Variants in CHFR observed in about 807,000 individuals in gnomAD.
The protein encoded by CHFR is checkpoint with forkhead and ring finger domains.
In CHFR, 57 loss-of-function variants were observed where a neutral mutation model predicts 87.6. That is an observed-to-expected ratio of 0.65 (90% CI 0.53 to 0.81). The LOEUF is 0.81. CHFR is among the 30% of genes least tolerant of loss of function. CHFR has a pLI of 0.00. For synonymous variants in CHFR, 381 were observed against 359.2 expected (o/e 1.06, Z -0.69); for missense variants, 797 against 865.8 (o/e 0.92, Z 1.00).
rs1950685332 is a variant in CHFR at position 132,840,255 on chromosome 12, A to G, written c.*1299T>C. ...GACAGCAGGTGACAGAGTGACCATC[A>G]CTAGCAGTGAGGCACTCGGAGCTCA... On this transcript the variant is annotated 3_prime_UTR_variant, in exon 18 of 18. Coordinates refer to ENST00000450056, the MANE Select transcript of CHFR (RefSeq NM_001161346.2). The G allele has an allele frequency of 6.6e-6, 1 of 152,386 alleles. No individual in the cohort carries two copies. The allele number at this position is 152,386 out of a possible 1,614,324, so 9.4% of individuals were successfully genotyped here.
intron 10 of CHFR, among the ~76,000 whole-genome samples, chr12:132,856,253 C>G (rs113473501): frequency 2.0e-5 from 3 of 152,182 alleles, no homozygotes; most frequent in African/African-American, 4.8e-5. Context: ...CTGGCTACCC[C>G]GCTAAGTGTT....
At chr12:132,879,377 C>T (rs1459292921) in intron 2 of CHFR, among the ~76,000 whole-genome samples, 1 of 148,910 alleles carries the variant, frequency 6.7e-6, no homozygotes, top group Non-Finnish European at 1.5e-5. Context: ...AATTCTGACA[C>T]TTTGGGATTT....
At chr12:132,876,751 C>A (rs987214115) in intron 3 of CHFR, among the ~76,000 whole-genome samples, 1 of 152,126 alleles carries the variant, frequency 6.6e-6, no homozygotes, top group Non-Finnish European at 1.5e-5. Flanking sequence ...TCTTCTAATA[C>A]CTTGGGAGCC....
chr12:132,871,111 C>A (rs993547909), intron 4 of CHFR, among the ~76,000 whole-genome samples: 1 of 152,208 alleles, frequency 6.6e-6, no homozygotes, highest in Non-Finnish European at 1.5e-5. Context: ...GCTGAAGATG[C>A]CTAAGACATA....
At chr12:132,887,473 G>A (rs942653588) in intron 1 of CHFR, 74 bp downstream of exon 1, 14 of 558,218 alleles carry the variant, frequency 2.5e-5, no homozygotes, top group Non-Finnish European at 3.0e-5. Flanking sequence ...GGACGCCGGC[G>A]GGCGCCCCCT....
chr12:132,866,548 C>G (rs1467720044), intron 6 of CHFR: 1 of 151,334 alleles, frequency 6.6e-6, no homozygotes, highest in African/African-American at 2.4e-5. Flanking sequence ...GATGTTACAA[C>G]ACACCGCGAT....
rs1378665267 is a variant in CHFR at position 132,833,507 on chromosome 12, G to A, written c.*8047C>T. 6.6e-6 allele frequency: 1 copy of A among 152,268 alleles called. No homozygotes were observed. Among genetic ancestry groups the A allele is most frequent in the Non-Finnish European group, 1.5e-5 (1 of 68,056 alleles). The allele number at this position is 152,268 out of a possible 1,614,324, so 9.4% of individuals were successfully genotyped here. A position where few individuals can be genotyped will look rare whatever the true frequency, so the allele number is the denominator to read the frequency against. The stretch of plus-strand genomic sequence containing the variant: ...ATGGTTGAGGGAGGACTTCTCAGGA[G>A]AATGTGAGCCAACAAGTAAGAAACG... On this transcript the variant is annotated 3_prime_UTR_variant, in exon 18 of 18. Transcript: ENST00000450056.
At chr12:132,856,935 A>G (rs1951085907) in intron 9 of CHFR, among the ~76,000 whole-genome samples, 2 of 128,500 alleles carry the variant, frequency 1.6e-5, no homozygotes, top group African/African-American at 6.1e-5. Flanking sequence ...GTGCTGGTGG[A>G]GGGACCACCC....
chr12:132,848,369 G>T, intron 13 of CHFR: 1 of 902,204 alleles, frequency 1.1e-6, no homozygotes, highest in Non-Finnish European at 1.7e-6. Flanking sequence ...AGTCTCCCCA[G>T]CACCTGGTCT....
Position 132,869,807 on chromosome 12 carries a change from C to T in CHFR, c.404-9G>A. ...ACCTGCACCTGAGGTATCTTTGGTC[C>T]CATGGAACACATTTTCCTTGTTAGC... is the stretch of plus-strand genomic sequence containing the variant. On this transcript the variant is annotated splice_polypyrimidine_tract_variant and intron_variant, in intron 5 of 17. Coordinates refer to ENST00000450056, the MANE Select transcript of CHFR (RefSeq NM_001161346.2). 6.4e-7 allele frequency: 1 copy of T among 1,551,288 alleles called. No homozygotes were observed. Among genetic ancestry groups the T allele is most frequent in the Non-Finnish European group, 8.7e-7 (1 of 1,146,976 alleles).
chr12:132,843,118 G>A, intron 16 of CHFR, 35 bp from the exon 17 acceptor site: 1 of 1,582,952 alleles, frequency 6.3e-7, no homozygotes, highest in South Asian at 1.1e-5. Flanking sequence ...TCTATGAGAT[G>A]TATTGCACGC....
Position 132,836,986 on chromosome 12 carries a change from G to A in CHFR, c.*4568C>T. The A allele has an allele frequency of 8.3e-6, 3 of 359,682 alleles. No individual in the cohort carries two copies. Among genetic ancestry groups the A allele is most frequent in the South Asian group, 6.2e-5 (3 of 48,224 alleles). The allele number at this position is 359,682 out of a possible 1,614,324, so 22.3% of individuals were successfully genotyped here. A position where few individuals can be genotyped will look rare whatever the true frequency, so the allele number is the denominator to read the frequency against. ...TCCTTTCCGATAGTGACAGGTGCTG[G>A]GGGGAAACTAGACTGGCTGGCGGGG... On this transcript the variant is annotated 3_prime_UTR_variant, in exon 18 of 18. Transcript: ENST00000450056.
intron 8 of CHFR, 76 bp downstream of exon 8, chr12:132,858,992 T>A: frequency 1.4e-6 from 2 of 1,424,492 alleles, no homozygotes; most frequent in East Asian, 4.9e-5. Flanking sequence ...GCTTGTCTCA[T>A]GCCCAGCCCT....
Position 132,853,530 on chromosome 12 carries a change from G to A in CHFR, c.1273C>T (p.Gln425Ter). 6.5e-7 allele frequency: 1 copy of A among 1,531,746 alleles called. No homozygotes were observed. Among genetic ancestry groups the A allele is most frequent in the East Asian group, 2.5e-5 (1 of 39,558 alleles). 94.9% of individuals were successfully genotyped at this position (1,531,746 alleles called of 1,614,324 possible). A position where few individuals can be genotyped will look rare whatever the true frequency, so the allele number is the denominator to read the frequency against. ...VCRQCPEYRR[Q>*]AAQPPHCPAP... Reference sequence around the variant, plus strand: ...GGGCAGTGGGGAGGCTGCGCCGCCTGCCTTCTGTACTCAGGACACTGCCGG... The same window carrying A: ...GGGCAGTGGGGAGGCTGCGCCGCCTACCTTCTGTACTCAGGACACTGCCGG... The change falls in exon 11 of 18, where the codon CAG becomes TAG. Residue 425 changes from glutamine to a stop codon, truncating the protein, a stop_gained. Coordinates refer to ENST00000450056, the MANE Select transcript of CHFR (RefSeq NM_001161346.2). LOFTEE classifies it high-confidence loss of function.
At chr12:132,853,274 CAACT>C (rs1419327032) in intron 11 of CHFR, among the ~76,000 whole-genome samples, 153 bp downstream of exon 11, 2 of 152,226 alleles carry the variant, frequency 1.3e-5, no homozygotes, top group East Asian at 1.9e-4. Context: ...GAAAAGCAAC[CAACT>C]GTGAGTGCAG....
intron 6 of CHFR, 138 bp from the exon 7 acceptor site, chr12:132,861,772 G>A (rs1371961333): frequency 5.5e-6 from 4 of 722,094 alleles, no homozygotes; most frequent in Admixed American, 5.2e-5. Context: ...AGTGGCTTAC[G>A]AGGAGTGTGT....
Position 132,869,544 on chromosome 12 carries a change from T to C in CHFR, c.583+75A>G, listed in dbSNP as rs1442082255. The C allele has an allele frequency of 2.9e-6, 4 of 1,395,388 alleles. No homozygotes were observed. In the East Asian group the frequency reaches 1.0e-4, roughly 35 times the overall value. The allele number at this position is 1,395,388 out of a possible 1,614,324, so 86.4% of individuals were successfully genotyped here. ...CAGTCCTCAGTCGCTTATCTGCCTC[T>C]GTAACAACACAGGTAAAGAGTAGTG... is the stretch of plus-strand genomic sequence containing the variant. On this transcript the variant is annotated intron_variant, in intron 6 of 17. Transcript: ENST00000450056.
At position 132,834,712 on chromosome 12, in the gene CHFR, CTTTT is replaced by C. The variant is rs60018437; in HGVS notation, c.*6838_*6841del. 3.7e-5 allele frequency: 5 copies of C among 135,368 alleles called. No individual in the cohort carries two copies. Among genetic ancestry groups the C allele is most frequent in the Non-Finnish European group, 7.9e-5 (5 of 63,044 alleles). 8.4% of individuals were successfully genotyped at this position (135,368 alleles called of 1,614,324 possible). A position where few individuals can be genotyped will look rare whatever the true frequency, so the allele number is the denominator to read the frequency against. On this transcript the variant is annotated 3_prime_UTR_variant, in exon 18 of 18. Transcript: ENST00000450056. Reference sequence around the variant, plus strand: ...CTTCCTGCCTTTGACTTCTTGCTTGCTTTTTTTTTTTTTTTTTTTTTGAGATAGA... The same window carrying C: ...CTTCCTGCCTTTGACTTCTTGCTTGCTTTTTTTTTTTTTTTTTGAGATAGA...
In CHFR at chr12:132,869,753, G is replaced by A. The variant is rs1231852845; in HGVS notation, c.449C>T (p.Pro150Leu). 2 of 1,551,450 alleles carry A rather than the reference G, an allele frequency of 1.3e-6. No individual in the cohort carries two copies. Among genetic ancestry groups the A allele is most frequent in the South Asian group, 1.2e-5 (1 of 84,062 alleles). Residue 150 changes from proline to leucine, a missense_variant, in exon 6 of 18, where the codon CCT becomes CTT. Transcript: ENST00000450056. ...CACCTGAGTGGCGGGCGACGACGGAGGGACCCGGGGATCGGCCCCTCGCCC... is the reference window on the plus strand; with the variant it reads ...CACCTGAGTGGCGGGCGACGACGGAAGGACCCGGGGATCGGCCCCTCGCCC... ...GAGRGADPRV[P>L]PSSPATQVCF...
Sources: gnomAD v4.1 joint callset for allele counts (sites outside exome capture counted in the v4.1 genomes callset) on GRCh38, gnomAD v4.1.1 for gene constraint, MANE v1.5 for transcripts, NCBI Gene and HGNC (gene_info 2026-07-23, HGNC 2026-07-21) for gene names.